Variants in CTDSPL2 observed in about 807,000 individuals in gnomAD.
CTDSPL2 encodes CTD small phosphatase like 2.
Under a neutral mutation model 60.0 loss-of-function variants are expected in CTDSPL2, and 5 were observed. The observed-to-expected ratio is 0.08, with a 90% confidence interval of 0.04 to 0.18. The LOEUF (loss-of-function observed/expected upper bound fraction) is 0.18, where lower values mean the gene tolerates loss of function less well. Ranked by LOEUF, CTDSPL2 falls within the 10% of genes least tolerant of loss-of-function variation. The pLI is 1.00. For missense variants in CTDSPL2, 370 were observed against 548.8 expected (o/e 0.67, Z 3.26); for synonymous variants, 186 against 189.3 (o/e 0.98, Z 0.14).
chr15:44,461,900 A>G (rs144284197), intron 2 of CTDSPL2, among the ~76,000 whole-genome samples: 21 of 152,212 alleles, frequency 1.4e-4, no homozygotes, highest in East Asian at 5.8e-4. Flanking sequence ...TTGTGTATTA[A>G]TGGACCAATA....
intron 1 of CTDSPL2, among the ~76,000 whole-genome samples, chr15:44,429,351 A>G (rs184029899): frequency 6.6e-6 from 1 of 152,302 alleles, no homozygotes; most frequent in East Asian, 1.9e-4. Context: ...GGAGCCAAAT[A>G]TGCAACTTAA....
Position 44,455,545 on chromosome 15 carries a change from T to C in CTDSPL2, c.-24-3446T>C, listed in dbSNP as rs537394812. On this transcript the variant is annotated intron_variant, in intron 1 of 12. Transcript: ENST00000260327. Reference sequence around the variant, plus strand: ...CAGTTTTTGCCCATTCAGTATGATATTGGCTGTGGGTTTGTCATAAATAGC... The same window carrying C: ...CAGTTTTTGCCCATTCAGTATGATACTGGCTGTGGGTTTGTCATAAATAGC... Among the ~76,000 whole-genome samples the C allele has an allele frequency of 2.0e-5, 3 of 152,338 alleles. No individual in the cohort carries two copies. In the East Asian group the frequency reaches 5.8e-4, roughly 29 times the overall value.
rs145179005 is a variant in CTDSPL2 at position 44,471,079 on chromosome 15, A to G, written c.186+11879A>G. Among the ~76,000 whole-genome samples, 24 of 152,278 alleles carry G rather than the reference A, an allele frequency of 1.6e-4. No individual in the cohort carries two copies. In the East Asian group the frequency reaches 4.6e-3, roughly 29 times the overall value. ...GACAACCACTGATCTTTCTGTCATT[A>G]TAGAGTTTCATAGGATTATAATCAG... On this transcript the variant is annotated intron_variant, in intron 2 of 12. Coordinates refer to ENST00000260327, the MANE Select transcript of CTDSPL2 (RefSeq NM_016396.3).
intron 8 of CTDSPL2, among the ~76,000 whole-genome samples, chr15:44,508,806 C>G (rs114400510): frequency 0.03 from 4,580 of 152,202 alleles, 245 homozygotes; most frequent in African/African-American, 0.1. Context: ...GTCAGCTGAG[C>G]TATTCGGGAG....
intron 10 of CTDSPL2, among the ~76,000 whole-genome samples, chr15:44,515,786 T>TCC (rs2081640156): frequency 1.3e-5 from 2 of 151,962 alleles, no homozygotes; most frequent in Admixed American, 1.3e-4. Flanking sequence ...GGCAGGAGAA[T>TCC]CGCTTGAACC....
At chr15:44,442,647 A>G (rs2080115256) in intron 1 of CTDSPL2, among the ~76,000 whole-genome samples, 1 of 150,932 alleles carries the variant, frequency 6.6e-6, no homozygotes, top group African/African-American at 2.4e-5. Flanking sequence ...TGTCCCCATT[A>G]TTTTCTACCC....
intron 2 of CTDSPL2, among the ~76,000 whole-genome samples, chr15:44,466,554 A>G (rs970486418): frequency 1.3e-5 from 2 of 152,194 alleles, no homozygotes; most frequent in Non-Finnish European, 2.9e-5. Flanking sequence ...TGTGAACATC[A>G]TAGTACTTAT....
At chr15:44,479,406 CCTTT>C (rs2080983500) in intron 2 of CTDSPL2, among the ~76,000 whole-genome samples, 1 of 133,334 alleles carries the variant, frequency 7.5e-6, no homozygotes, top group Non-Finnish European at 1.6e-5. Flanking sequence ...TATTTTCTTT[CCTTT>C]TTTTTTTTTT....
At chr15:44,445,673 T>C (rs189495312) in intron 1 of CTDSPL2, among the ~76,000 whole-genome samples, 1 of 151,734 alleles carries the variant, frequency 6.6e-6, no homozygotes, top group East Asian at 1.9e-4. Flanking sequence ...AGTCTCGCAC[T>C]GTCGCCTGGG....
chr15:44,516,834 T>C (rs966506721), intron 10 of CTDSPL2: 1 of 142,058 alleles, frequency 7.0e-6, no homozygotes, highest in Admixed American at 7.2e-5. Flanking sequence ...CAAAAGCTTG[T>C]TTTTTTGTTT....
At chr15:44,427,933 C>T (rs1307332602) in intron 1 of CTDSPL2, 161 bp downstream of exon 1, 2 of 357,620 alleles carry the variant, frequency 5.6e-6, no homozygotes, top group Non-Finnish European at 1.0e-5. Flanking sequence ...GTCCACTGTG[C>T]GGAGCCGCTC....
intron 2 of CTDSPL2, among the ~76,000 whole-genome samples, chr15:44,467,566 A>G (rs2080720459): frequency 6.6e-6 from 1 of 151,316 alleles, no homozygotes; most frequent in South Asian, 2.1e-4. Context: ...TTCTTTTCTT[A>G]TTTATTTATT....
intron 11 of CTDSPL2, chr15:44,520,191 C>G (rs532479092): frequency 6.6e-6 from 1 of 150,936 alleles, no homozygotes; most frequent in Non-Finnish European, 1.5e-5. Context: ...GCTCGTCGCC[C>G]AGGCTGGAGT....
At chr15:44,466,807 C>T (rs190661271) in intron 2 of CTDSPL2, among the ~76,000 whole-genome samples, 3,534 of 151,400 alleles carry the variant, frequency 0.023, 82 homozygotes, top group East Asian at 0.098. Context: ...GGCATGGTGG[C>T]GGGCGCCTGT....
chr15:44,487,064 A>C (rs2081134310), intron 4 of CTDSPL2, among the ~76,000 whole-genome samples: 1 of 152,192 alleles, frequency 6.6e-6, no homozygotes, highest in Non-Finnish European at 1.5e-5. Flanking sequence ...AACTGTGCCC[A>C]GCAAAAAAAT....
intron 4 of CTDSPL2, among the ~76,000 whole-genome samples, chr15:44,490,063 T>G (rs979419649): frequency 2.0e-5 from 3 of 152,074 alleles, no homozygotes; most frequent in Non-Finnish European, 4.4e-5. Flanking sequence ...TGGAGGTTAA[T>G]TTTTTTTGTT....
rs758360452 is a variant in CTDSPL2 at position 44,514,585 on chromosome 15, T to C, written c.970-13T>C. 6.5e-7 allele frequency: 1 copy of C among 1,543,946 alleles called. No homozygotes were observed. Among genetic ancestry groups the C allele is most frequent in the Non-Finnish European group, 9.0e-7 (1 of 1,116,890 alleles). On this transcript the variant is annotated splice_polypyrimidine_tract_variant and intron_variant, in intron 8 of 12. Transcript: ENST00000260327. ...ATGTTTATTTGCTGAAACTTATCTT[T>C]GTATTTCCTTAGGTTTATGTGAGAT...
intron 1 of CTDSPL2, among the ~76,000 whole-genome samples, chr15:44,443,018 T>C (rs2080124507): frequency 6.6e-6 from 1 of 152,194 alleles, no homozygotes; most frequent in South Asian, 2.1e-4. Flanking sequence ...CCAGAGTCCT[T>C]ATCTCTTACT....
chr15:44,482,245 C>T (rs902314813), intron 2 of CTDSPL2, among the ~76,000 whole-genome samples: 3 of 152,064 alleles, frequency 2.0e-5, no homozygotes, highest in African/African-American at 7.2e-5. Flanking sequence ...CTCCTGGGCT[C>T]CCACCTGAGT....
Sources: gnomAD v4.1 joint callset for allele counts (sites outside exome capture counted in the v4.1 genomes callset) on GRCh38, gnomAD v4.1.1 for gene constraint, MANE v1.5 for transcripts, NCBI Gene and HGNC (gene_info 2026-07-23, HGNC 2026-07-21) for gene names.